The following SLC35F4 variants were observed in gnomAD, a reference collection of about 807,000 sequenced individuals.
SLC35F4 encodes the protein chromosome 14 open reading frame 36.
A neutral mutation model predicts 44.2 loss-of-function variants in SLC35F4; 24 were observed. The observed-to-expected ratio is 0.54, with a 90% CI of 0.39 to 0.76. The LOEUF (loss-of-function observed/expected upper bound fraction) is 0.76, where lower values mean the gene tolerates loss of function less well. Ranked by LOEUF, SLC35F4 falls within the 30% of genes least tolerant of loss-of-function variation. The pLI is 0.00. For missense variants in SLC35F4, 562 were observed against 586.1 expected (o/e 0.96, Z 0.42); for synonymous variants, 238 against 223.6 (o/e 1.06, Z -0.57).
chr14:57,779,463 A>T (rs1466796934), intron 1 of SLC35F4, among the ~76,000 whole-genome samples: 1 of 151,810 alleles, frequency 6.6e-6, no homozygotes, highest in Non-Finnish European at 1.5e-5. Flanking sequence ...AAGACCAATA[A>T]CAAGCTCTGA....
chr14:57,900,891 A>G (rs12432734), intron 1 of SLC35F4, among the ~76,000 whole-genome samples: 13,792 of 152,288 alleles, frequency 0.091, 692 homozygotes, highest in Middle Eastern at 0.11. Context: ...AAGAAGACAT[A>G]CATGCAGCCA....
chr14:57,684,064 C>T (rs2074993243), intron 1 of SLC35F4, among the ~76,000 whole-genome samples: 1 of 152,162 alleles, frequency 6.6e-6, no homozygotes, highest in Admixed American at 6.5e-5. Flanking sequence ...TCTCCAGCCG[C>T]AGGGCACTCA....
At chr14:57,648,928 C>G (rs1385816261) in intron 1 of SLC35F4, among the ~76,000 whole-genome samples, 1 of 152,152 alleles carries the variant, frequency 6.6e-6, no homozygotes, top group Non-Finnish European at 1.5e-5. Flanking sequence ...TCTGACAGAC[C>G]TACGACTCAC....
At chr14:57,664,567 C>A (rs992996064) in intron 1 of SLC35F4, among the ~76,000 whole-genome samples, 1 of 152,098 alleles carries the variant, frequency 6.6e-6, no homozygotes, top group African/African-American at 2.4e-5. Context: ...CACCACAATG[C>A]CCGGCTAATT....
intron 1 of SLC35F4, among the ~76,000 whole-genome samples, chr14:57,727,189 A>G (rs2076227751): frequency 6.6e-6 from 1 of 151,722 alleles, no homozygotes; most frequent in Admixed American, 6.6e-5. Context: ...GAACCCTAAT[A>G]CATAGACTTT....
At chr14:57,679,929 A>G (rs899448365) in intron 1 of SLC35F4, among the ~76,000 whole-genome samples, 3 of 152,040 alleles carry the variant, frequency 2.0e-5, no homozygotes, top group African/African-American at 7.3e-5. Flanking sequence ...ATTCATAGCC[A>G]AATACTACCA....
At chr14:57,930,399 T>C (rs541443382) in intron 1 of SLC35F4, among the ~76,000 whole-genome samples, 1 of 152,148 alleles carries the variant, frequency 6.6e-6, no homozygotes, top group South Asian at 2.1e-4. Flanking sequence ...TCCATTAACC[T>C]CTTACCTCTC....
intron 3 of SLC35F4, among the ~76,000 whole-genome samples, chr14:57,586,500 G>A (rs899422860): frequency 7.9e-5 from 12 of 151,748 alleles, no homozygotes; most frequent in African/African-American, 2.4e-4. Flanking sequence ...GGCAGATCAC[G>A]AGGTCAAGAG....
intron 1 of SLC35F4, among the ~76,000 whole-genome samples, chr14:57,780,150 G>C (rs187566669): frequency 6.6e-6 from 1 of 152,254 alleles, no homozygotes; most frequent in African/African-American, 2.4e-5. Flanking sequence ...AACTATCCCT[G>C]TTTGCAGATG....
chr14:57,727,315 C>T (rs1006967525), intron 1 of SLC35F4, among the ~76,000 whole-genome samples: 3 of 151,666 alleles, frequency 2.0e-5, no homozygotes, highest in African/African-American at 7.3e-5. Context: ...TTTTGTTAGA[C>T]TGGCTAAAGT....
chr14:57,648,125 A>C (rs985539166), intron 1 of SLC35F4, among the ~76,000 whole-genome samples: 1 of 152,236 alleles, frequency 6.6e-6, no homozygotes, highest in African/African-American at 2.4e-5. Context: ...AAATGCTAGC[A>C]TCAGATATTA....
intron 1 of SLC35F4, among the ~76,000 whole-genome samples, chr14:57,647,314 GGGTGCATATACATTTAGGAT>G (rs1566723173): frequency 2.0e-5 from 3 of 152,052 alleles, no homozygotes; most frequent in African/African-American, 7.2e-5. Context: ...TCCTGTTATT[GGGTGCATATACATTTAGGAT>G]AGTTACCTCT....
At chr14:57,868,568 C>T (rs554184112), upstream of SLC35F4, among the ~76,000 whole-genome samples, 10 of 151,924 alleles carry the variant, frequency 6.6e-5, no homozygotes, top group Middle Eastern at 6.8e-3. Context: ...CTCCGCCTCC[C>T]GGGTTCAAGT....
At chr14:57,570,006 C>T in intron 5 of SLC35F4, 26 bp from the exon 6 acceptor site, 2 of 1,564,490 alleles carry the variant, frequency 1.3e-6, no homozygotes, top group Non-Finnish European at 1.7e-6. Context: ...AACTCTACAG[C>T]CACACAGAAA....
intron 1 of SLC35F4, among the ~76,000 whole-genome samples, chr14:57,890,210 A>C (rs1179239587): frequency 1.3e-5 from 2 of 152,192 alleles, no homozygotes; most frequent in African/African-American, 4.8e-5. Flanking sequence ...CTGATGGGCA[A>C]ACATGTGGAG....
At chr14:57,682,987 C>G (rs1259321189) in intron 1 of SLC35F4, among the ~76,000 whole-genome samples, 1 of 152,078 alleles carries the variant, frequency 6.6e-6, no homozygotes, top group African/African-American at 2.4e-5. Flanking sequence ...CAGGTAAGAG[C>G]GGAGTATTAA....
intron 1 of SLC35F4, among the ~76,000 whole-genome samples, chr14:57,638,306 A>G (rs976485796): frequency 3.3e-5 from 5 of 152,088 alleles, no homozygotes; most frequent in East Asian, 1.9e-4. Flanking sequence ...CTGCACACTG[A>G]GTGCCTTTAT....
At chr14:57,648,671 G>T (rs1555366084) in intron 1 of SLC35F4, among the ~76,000 whole-genome samples, 1 of 152,152 alleles carries the variant, frequency 6.6e-6, no homozygotes, top group Non-Finnish European at 1.5e-5. Flanking sequence ...TTAAAAAGGA[G>T]AAAGGAAACT....
intron 1 of SLC35F4, among the ~76,000 whole-genome samples, chr14:57,714,461 C>T (rs1316321920): frequency 6.6e-6 from 1 of 152,114 alleles, no homozygotes; most frequent in African/African-American, 2.4e-5. Flanking sequence ...CAGAGCAAAA[C>T]CATTTTATTT....
Sources: allele counts gnomAD v4.1 joint callset (sites outside exome capture counted in the v4.1 genomes callset), GRCh38; gene constraint gnomAD v4.1.1; transcripts MANE v1.5; gene names NCBI Gene and HGNC (gene_info 2026-07-23, HGNC 2026-07-21).